GRID2: variants seen among roughly 807,000 people sequenced by gnomAD.
GRID2 encodes the protein glutamate ionotropic receptor delta type subunit 2, also known as glutamate receptor ionotropic, delta-2.
In GRID2, 33 loss-of-function variants were observed where a neutral mutation model predicts 114.8. That is an observed-to-expected ratio of 0.29 (90% CI 0.22 to 0.38). The LOEUF (loss-of-function observed/expected upper bound fraction) is 0.38. Among genes scored for constraint, GRID2 ranks in the 10% least tolerant of loss-of-function variants. The pLI, the probability that GRID2 is intolerant of heterozygous loss-of-function variation, is 1.00. For synonymous variants in GRID2, 505 were observed against 449.9 expected, an observed-to-expected ratio of 1.12 and a Z score of -1.55; for missense variants, 1,184 against 1,257.7, an observed-to-expected ratio of 0.94 and a Z score of 0.89.
chr4:93,423,500 C>A (rs1355125313), intron 10 of GRID2, among the ~76,000 whole-genome samples: 1 of 151,416 alleles, frequency 6.6e-6, no homozygotes, highest in Non-Finnish European at 1.5e-5. Flanking sequence ...GCGCCCGCCC[C>A]CACGCCCAGC....
intron 13 of GRID2, among the ~76,000 whole-genome samples, chr4:93,584,582 G>T (rs6824100): frequency 0.59 from 89,672 of 151,770 alleles, 27,264 homozygotes; most frequent in Middle Eastern, 0.65. Context: ...TACAATAAAA[G>T]TATGAGTCAA....
At chr4:93,769,583 T>G in intron 15 of GRID2, 133 bp downstream of exon 15, 1 of 762,456 alleles carries the variant, frequency 1.3e-6, no homozygotes, top group Non-Finnish European at 2.1e-6. Flanking sequence ...AAAAATAAAG[T>G]TGTGAAATAT....
intron 1 of GRID2, among the ~76,000 whole-genome samples, chr4:92,526,039 T>A (rs1050082133): frequency 2.9e-4 from 44 of 151,970 alleles, no homozygotes; most frequent in African/African-American, 1.0e-3. Context: ...CTGATCAAGT[T>A]AAGAGTAGAT....
intron 11 of GRID2, among the ~76,000 whole-genome samples, chr4:93,486,588 C>A (rs764775950): frequency 5.9e-5 from 9 of 151,624 alleles, no homozygotes; most frequent in Non-Finnish European, 1.0e-4. Context: ...TGAACTTTAT[C>A]TGTACCTTTT....
At chr4:92,842,019 C>A (rs1742935020) in intron 2 of GRID2, among the ~76,000 whole-genome samples, 1 of 152,088 alleles carries the variant, frequency 6.6e-6, no homozygotes, top group Admixed American at 6.6e-5. Flanking sequence ...TACCAAATTG[C>A]AGTGTTTGCA....
At chr4:92,650,471 A>G (rs528728657) in intron 2 of GRID2, among the ~76,000 whole-genome samples, 43 of 152,110 alleles carry the variant, frequency 2.8e-4, no homozygotes, top group Non-Finnish European at 5.3e-4. Context: ...TGTATTCCAG[A>G]CATATTCATT....
At chr4:93,686,508 C>G (rs1726094193) in intron 14 of GRID2, among the ~76,000 whole-genome samples, 1 of 151,804 alleles carries the variant, frequency 6.6e-6, no homozygotes, top group Admixed American at 6.6e-5. Context: ...AAAAAAAATC[C>G]CCACCTTCAT....
At chr4:93,498,614 G>A (rs982857683) in intron 12 of GRID2, among the ~76,000 whole-genome samples, 4 of 151,576 alleles carry the variant, frequency 2.6e-5, no homozygotes, top group East Asian at 1.9e-4. Context: ...AGATCCTTTC[G>A]GATTTCCTAG....
intron 1 of GRID2, among the ~76,000 whole-genome samples, chr4:92,517,542 T>C (rs998736722): frequency 3.9e-5 from 6 of 151,926 alleles, no homozygotes; most frequent in Admixed American, 3.3e-4. Context: ...CTTTCAACTA[T>C]ATTGGCCTCA....
At chr4:93,110,034 T>C (rs1732616773) in intron 3 of GRID2, among the ~76,000 whole-genome samples, 1 of 152,196 alleles carries the variant, frequency 6.6e-6, no homozygotes, top group African/African-American at 2.4e-5. Context: ...CTGATCATCA[T>C]GCAATCAAAA....
intron 2 of GRID2, among the ~76,000 whole-genome samples, chr4:92,866,723 T>G (rs986924329): frequency 1.8e-4 from 27 of 151,970 alleles, no homozygotes; most frequent in Admixed American, 6.6e-5. Flanking sequence ...TTTTTTTTTT[T>G]TGTACTTTTT....
rs139384934 is a variant in GRID2 at position 93,578,873 on chromosome 4, G to A, written c.2194-47396G>A. Among the ~76,000 whole-genome samples, 466 of 152,246 alleles carry A rather than the reference G, an allele frequency of 3.1e-3. 1 individual carries two copies. The highest frequency in any genetic ancestry group is 5.0e-3 in the Non-Finnish European group (341 of 68,010). ...CTCCCAGAGTGCTGGGATTACAGGCGTGAGCCACCGCACCCGGCTGCCTTG... is the reference window on the plus strand; with the variant it reads ...CTCCCAGAGTGCTGGGATTACAGGCATGAGCCACCGCACCCGGCTGCCTTG... On this transcript the variant is annotated intron_variant, in intron 13 of 15. Coordinates refer to ENST00000282020, the MANE Select transcript of GRID2 (RefSeq NM_001510.4).
intron 2 of GRID2, among the ~76,000 whole-genome samples, chr4:93,066,633 G>A (rs1355907629): frequency 1.3e-5 from 2 of 151,882 alleles, no homozygotes; most frequent in Admixed American, 1.3e-4. Context: ...TCAGAATTAT[G>A]TAGAAATATT....
At chr4:92,459,953 TC>T (rs1721398987) in intron 1 of GRID2, among the ~76,000 whole-genome samples, 1 of 146,846 alleles carries the variant, frequency 6.8e-6, no homozygotes, top group Non-Finnish European at 1.5e-5. Context: ...TTCCTGGGTC[TC>T]CAGCCTGCTG....
At chr4:92,305,814 C>T (rs1239396358) in intron 1 of GRID2, among the ~76,000 whole-genome samples, 2 of 152,200 alleles carry the variant, frequency 1.3e-5, no homozygotes, top group Non-Finnish European at 2.9e-5. Context: ...GCAGCCTTTT[C>T]TGCGTTAATG....
intron 2 of GRID2, among the ~76,000 whole-genome samples, chr4:92,820,317 C>T (rs958426217): frequency 2.6e-5 from 4 of 152,140 alleles, no homozygotes; most frequent in Non-Finnish European, 4.4e-5. Context: ...CAGTGCAATG[C>T]TGTGAACTCG....
intron 14 of GRID2, among the ~76,000 whole-genome samples, chr4:93,735,732 T>C (rs1368393625): frequency 1.3e-5 from 2 of 152,020 alleles, no homozygotes; most frequent in East Asian, 3.9e-4. Context: ...ATTAACTCAT[T>C]TAGTGGAAAC....
At chr4:93,327,922 C>A (rs564455461) in intron 8 of GRID2, among the ~76,000 whole-genome samples, 9 of 152,042 alleles carry the variant, frequency 5.9e-5, no homozygotes, top group Non-Finnish European at 1.0e-4. Context: ...TAGTCTCAAC[C>A]ACCATCATCT....
chr4:92,901,266 A>T (rs958580420), intron 2 of GRID2, among the ~76,000 whole-genome samples: 7 of 152,198 alleles, frequency 4.6e-5, no homozygotes, highest in African/African-American at 1.4e-4. Flanking sequence ...AGTAATAGCC[A>T]TTCTGACTTA....
Sources: gnomAD v4.1 joint callset for allele counts (sites outside exome capture counted in the v4.1 genomes callset) on GRCh38, gnomAD v4.1.1 for gene constraint, MANE v1.5 for transcripts, NCBI Gene and HGNC (gene_info 2026-07-23, HGNC 2026-07-21) for gene names.